The following BTD variants were observed in gnomAD, a reference collection of about 807,000 sequenced individuals.
BTD encodes biotinidase.
Under a neutral mutation model 17.7 loss-of-function variants are expected in BTD, and 13 were observed. The observed-to-expected ratio is 0.74, with a 90% CI of 0.48 to 1.17. BTD has a LOEUF of 1.17. Among genes scored for constraint, BTD ranks in the 50% most tolerant of loss-of-function variants. The pLI is 0.00. For synonymous variants in BTD, 240 were observed against 245.2 expected (o/e 0.98, Z 0.20); for missense variants, 674 against 650.4 (o/e 1.04, Z -0.39).
chr3:15,718,843 T>A (rs2073380308), intron 4 of BTD, among the ~76,000 whole-genome samples: 1 of 152,204 alleles, frequency 6.6e-6, no homozygotes, highest in African/African-American at 2.4e-5. Flanking sequence ...CAAGATTAAT[T>A]CCAAATCTTT....
chr3:15,708,258 G>C (rs896189843), intron 3 of BTD, among the ~76,000 whole-genome samples: 1 of 152,178 alleles, frequency 6.6e-6, no homozygotes, highest in African/African-American at 2.4e-5. Flanking sequence ...GAACCTTTAA[G>C]TATATGAAAT....
At chr3:15,677,052 T>G in intron 3 of BTD, 3 of 1,612,934 alleles carry the variant, frequency 1.9e-6, no homozygotes, top group Non-Finnish European at 2.5e-6. Flanking sequence ...ACTAGTTTCA[T>G]GACCCTATAA....
At chr3:15,655,445 C>A (rs1053103974), downstream of BTD, among the ~76,000 whole-genome samples, 1 of 152,172 alleles carries the variant, frequency 6.6e-6, no homozygotes, top group Admixed American at 6.5e-5. Flanking sequence ...TCAGATCTTT[C>A]CTTGGTGCAG....
intron 3 of BTD, chr3:15,669,724 A>T (rs2066174634): frequency 6.6e-6 from 1 of 152,568 alleles, no homozygotes; most frequent in African/African-American, 2.4e-5. Context: ...ACCAAATCTC[A>T]GCTTCATTTC....
At position 15,711,184 on chromosome 3, in the gene BTD, A is replaced by G. The variant is rs1188814761; in HGVS notation, c.*1110A>G. 7.0e-6 allele frequency: 11 copies of G among 1,581,310 alleles called. No homozygotes were observed. In the East Asian group the frequency reaches 2.0e-4, roughly 29 times the overall value. ...CTGCCATGACCAGCTATCTTTTCTTAAAGAAATAAAAATACTATTAACATA... is the reference window on the plus strand; with the variant it reads ...CTGCCATGACCAGCTATCTTTTCTTGAAGAAATAAAAATACTATTAACATA... On this transcript the variant is annotated 3_prime_UTR_variant, in exon 4 of 4. Transcript: ENST00000672141.
intron 3 of BTD, among the ~76,000 whole-genome samples, chr3:15,698,779 C>T (rs916508037): frequency 2.4e-4 from 37 of 152,026 alleles, no homozygotes; most frequent in African/African-American, 8.2e-4. Context: ...TGCTCATGGA[C>T]AGGAAGAATC....
Position 15,649,032 on chromosome 3 carries a change from A to G in BTD, c.*3544A>G, listed in dbSNP as rs989550309. Among the ~76,000 whole-genome samples the G allele has an allele frequency of 6.6e-5, 10 of 152,182 alleles. No homozygotes were observed. Among genetic ancestry groups the G allele is most frequent in the African/African-American group, 1.2e-4 (5 of 41,438 alleles). Reference sequence around the variant, plus strand: ...GGCTCTGCCAACACCTTGATTTTGGATTTCCAGCTTCCACAACTATGAGAC... The same window carrying G: ...GGCTCTGCCAACACCTTGATTTTGGGTTTCCAGCTTCCACAACTATGAGAC... On this transcript the variant is annotated 3_prime_UTR_variant, in exon 4 of 4. Transcript: ENST00000643237.
At chr3:15,719,769 G>C (rs1218442452) in intron 4 of BTD, among the ~76,000 whole-genome samples, 2 of 151,988 alleles carry the variant, frequency 1.3e-5, no homozygotes, top group African/African-American at 4.8e-5. Flanking sequence ...TGCCCAGGCT[G>C]GTCTTGAACT....
At chr3:15,662,057 G>C (rs1332376735) in intron 3 of BTD, among the ~76,000 whole-genome samples, 1 of 152,166 alleles carries the variant, frequency 6.6e-6, no homozygotes, top group African/African-American at 2.4e-5. Flanking sequence ...GTTGGGTAGT[G>C]TAAGTCCTCT....
At chr3:15,602,518 C>G (rs1335943774) in intron 1 of BTD, among the ~76,000 whole-genome samples, 1 of 152,140 alleles carries the variant, frequency 6.6e-6, no homozygotes, top group Non-Finnish European at 1.5e-5. Context: ...GCCTTGGAGT[C>G]ATTAGACCCT....
At chr3:15,687,405 TA>T (rs2068260040) in intron 3 of BTD, among the ~76,000 whole-genome samples, 1 of 151,944 alleles carries the variant, frequency 6.6e-6, no homozygotes, top group Non-Finnish European at 1.5e-5. Context: ...TCCAAATGCA[TA>T]AAATGGGCAA....
In BTD at chr3:15,650,975, A is replaced by C. The variant is rs139199734; in HGVS notation, c.*5487A>C. On this transcript the variant is annotated 3_prime_UTR_variant, in exon 4 of 4. Coordinates refer to ENST00000643237, the MANE Select transcript of BTD (RefSeq NM_001370658.1). ...TATAGAGACAGGGTTTCACCATGTT[A>C]GCCAGGATGGCCTCGATCTCCTGAC... Among the ~76,000 whole-genome samples the C allele has an allele frequency of 0.033, 5,032 of 152,222 alleles. 266 individuals carry two copies. Among genetic ancestry groups the C allele is most frequent in the African/African-American group, 0.11 (4,707 of 41,522 alleles).
At chr3:15,629,546 T>C (rs9868928) in intron 1 of BTD, among the ~76,000 whole-genome samples, 34,568 of 152,026 alleles carry the variant, frequency 0.23, 6,722 homozygotes, top group African/African-American at 0.52. Context: ...TGTTTTGAGA[T>C]GGAATCTCAC....
chr3:15,691,124 T>C lies in BTD; in HGVS notation c.400-18936T>C, dbSNP rs991282032. Among the ~76,000 whole-genome samples, 4 of 151,378 alleles carry C rather than the reference T, an allele frequency of 2.6e-5. No homozygotes were observed. The South Asian group carries it at 8.3e-4, about 31-fold the overall frequency. ...CTGAAGATTTGTCAGACTGAAGTTG[T>C]CTTTTTTTTTTTTTTTTGAGACGGA... On this transcript the variant is annotated intron_variant, in intron 3 of 3. Transcript: ENST00000672141.
intron 3 of BTD, chr3:15,690,257 T>A: frequency 6.8e-7 from 1 of 1,469,080 alleles, no homozygotes; most frequent in Non-Finnish European, 9.2e-7. Context: ...AAAACATACA[T>A]ATTTAGACTG....
chr3:15,660,757 C>T (rs1559289248), intron 3 of BTD, among the ~76,000 whole-genome samples: 1 of 152,146 alleles, frequency 6.6e-6, no homozygotes, highest in Non-Finnish European at 1.5e-5. Flanking sequence ...TCTAAAAATC[C>T]TCTGTTCTCT....
chr3:15,618,203 A>G (rs1458832371), intron 1 of BTD, among the ~76,000 whole-genome samples: 1 of 152,150 alleles, frequency 6.6e-6, no homozygotes, highest in Non-Finnish European at 1.5e-5. Context: ...CTGGCCTCAA[A>G]TGATCCTCCT....
intron 3 of BTD, among the ~76,000 whole-genome samples, chr3:15,701,030 G>A (rs1365739627): frequency 6.6e-6 from 1 of 152,020 alleles, no homozygotes; most frequent in Non-Finnish European, 1.5e-5. Context: ...ACTACCTGGG[G>A]AAAAAATTCT....
intron 1 of BTD, among the ~76,000 whole-genome samples, chr3:15,627,686 T>A (rs2125419388): frequency 6.6e-6 from 1 of 152,362 alleles, no homozygotes; most frequent in Middle Eastern, 3.4e-3. Context: ...CGTCAGTGTT[T>A]CTAGCCTATC....
Sources: allele counts gnomAD v4.1 joint callset (sites outside exome capture counted in the v4.1 genomes callset), GRCh38; gene constraint gnomAD v4.1.1; transcripts MANE v1.5; gene names NCBI Gene and HGNC (gene_info 2026-07-23, HGNC 2026-07-21).